RC3H1: variants seen among roughly 807,000 people sequenced by gnomAD.
RC3H1 encodes the protein roquin-1.
RC3H1 carries 50 observed loss-of-function variants against 138.2 expected under a neutral mutation model. The observed-to-expected ratio is 0.36, with a 90% CI of 0.29 to 0.46. The LOEUF is 0.46. RC3H1 is among the 20% of genes least tolerant of loss of function. The probability of loss-of-function intolerance (pLI) is 1.00; values close to 1 mark genes in which losing one functional copy is unlikely to be tolerated. For synonymous variants in RC3H1, 462 were observed against 489.1 expected (o/e 0.94, Z 0.73); for missense variants, 1,031 against 1,388.1 (o/e 0.74, Z 4.09).
chr1:174,007,123 C>G (rs373943687), intron 1 of RC3H1, among the ~76,000 whole-genome samples: 8 of 152,282 alleles, frequency 5.3e-5, no homozygotes, highest in African/African-American at 1.9e-4. Flanking sequence ...GGCGCAGTGG[C>G]TCACGCCTGT....
Position 173,935,077 on chromosome 1 carries a change from G to A in RC3H1, c.*3644C>T, listed in dbSNP as rs1658524140. 6.6e-6 allele frequency: 1 copy of A among 152,112 alleles called. No homozygotes were observed. The highest frequency in any genetic ancestry group is 6.6e-5 in the Admixed American group (1 of 15,256). The allele number at this position is 152,112 out of a possible 1,614,324, so 9.4% of individuals were successfully genotyped here. ...GTTGAATATTTGTAGTTGGCATTAG[G>A]AATAATGTCTTATCAATATCTAGAA... On this transcript the variant is annotated 3_prime_UTR_variant, in exon 20 of 20. Transcript: ENST00000367696.
chr1:173,992,971 A>G lies in RC3H1; in HGVS notation c.15T>C (p.Ala5=). 6.2e-7 allele frequency: 1 copy of G among 1,613,456 alleles called. No individual in the cohort carries two copies. The change falls in exon 2 of 20, where the codon GCT becomes GCC. Residue 5 remains alanine (A), a synonymous_variant. Transcript: ENST00000367696. MPVQ[A]PQWTDFLSCP... ...AGGAGAGGAAATCCGTCCATTGTGG[A>G]GCTTGTACAGGCATTGCTTCTGGAG...
At chr1:173,993,463 G>T (rs1256122682) in intron 1 of RC3H1, among the ~76,000 whole-genome samples, 1 of 150,976 alleles carries the variant, frequency 6.6e-6, no homozygotes, top group Non-Finnish European at 1.5e-5. Flanking sequence ...AGGCTGGAGT[G>T]CAATGGTGCA....
chr1:173,947,309 G>A, intron 15 of RC3H1, 60 bp downstream of exon 15: 1 of 1,114,758 alleles, frequency 9.0e-7, no homozygotes, highest in Non-Finnish European at 1.4e-6. Context: ...GGAGAGCAGG[G>A]GTAATGCTGA....
At chr1:173,949,093 T>G (rs1249184488) in intron 14 of RC3H1, among the ~76,000 whole-genome samples, 4 of 134,650 alleles carry the variant, frequency 3.0e-5, no homozygotes, top group Non-Finnish European at 6.2e-5. Flanking sequence ...AAAAATTTTA[T>G]TTTGCTTTTT....
intron 13 of RC3H1, among the ~76,000 whole-genome samples, chr1:173,960,107 CAAAAAAAAAAAA>C (rs58330993): frequency 5.9e-5 from 3 of 51,120 alleles, no homozygotes; most frequent in African/African-American, 2.1e-4. Flanking sequence ...GACTCCGACT[CAAAAAAAAAAAA>C]AAAAAAAAAA....
intron 14 of RC3H1, among the ~76,000 whole-genome samples, chr1:173,949,892 C>T (rs1489982400): frequency 6.6e-6 from 1 of 151,984 alleles, no homozygotes; most frequent in South Asian, 2.1e-4. Context: ...ACAGACTGGG[C>T]GTGGTGGCTC....
At chr1:173,993,186 A>G in intron 1 of RC3H1, 51 bp from the exon 2 acceptor site, 1 of 558,954 alleles carries the variant, frequency 1.8e-6, no homozygotes, top group Non-Finnish European at 3.2e-6. Flanking sequence ...TTTCAATTAA[A>G]CTGTTGAAAA....
intron 8 of RC3H1, among the ~76,000 whole-genome samples, chr1:173,972,048 C>G (rs1208226433): frequency 6.6e-6 from 1 of 151,744 alleles, no homozygotes; most frequent in Non-Finnish European, 1.5e-5. Context: ...TGGCATAAGA[C>G]ATTATGAATG....
At position 173,983,465 on chromosome 1, in the gene RC3H1, T is replaced by C; in HGVS notation, c.545A>G (p.Asn182Ser). Residue 182 changes from asparagine (N) to serine (S), a missense_variant, in exon 4 of 20, where the codon AAT (asparagine) becomes AGT (serine). By Grantham distance (46) the Asn-to-Ser change is conservative. Coordinates refer to ENST00000367696, the MANE Select transcript of RC3H1 (RefSeq NM_172071.4). The stretch of plus-strand genomic sequence containing the variant: ...CCTAGCCCTTACTGCTGCCCAAAGA[T>C]TGGAAGAGAGTTGCTGAGGATTCTG... ...QHQNPQQLSS[N>S]LWAAVRARGC... The C allele has an allele frequency of 1.2e-6, 2 of 1,614,210 alleles. No individual in the cohort carries two copies. Among genetic ancestry groups the C allele is most frequent in the East Asian group, 2.2e-5 (1 of 44,880 alleles).
At chr1:173,938,932 C>T in intron 19 of RC3H1, 61 bp from the exon 20 acceptor site, 1 of 1,274,712 alleles carries the variant, frequency 7.8e-7, no homozygotes, top group Non-Finnish European at 1.1e-6. Flanking sequence ...ACAATAAAAT[C>T]AACAGGGGAT....
In RC3H1 at chr1:173,970,629, A is replaced by C. The variant is rs1158849909; in HGVS notation, c.1222-12T>G. Reference sequence around the variant, plus strand: ...CTATGCTGTGGAGGCTAAAACCAAAATCAAAACATTAGATGTGTAATAACC... The same window carrying C: ...CTATGCTGTGGAGGCTAAAACCAAACTCAAAACATTAGATGTGTAATAACC... On this transcript the variant is annotated splice_polypyrimidine_tract_variant and intron_variant, in intron 8 of 19. Transcript: ENST00000367696. The C allele has an allele frequency of 6.4e-7, 1 of 1,571,434 alleles. No homozygotes were observed. The highest frequency in any genetic ancestry group is 8.7e-7 in the Non-Finnish European group (1 of 1,143,870).
intron 2 of RC3H1, among the ~76,000 whole-genome samples, chr1:173,990,648 C>T (rs1403151978): frequency 6.6e-6 from 1 of 151,182 alleles, no homozygotes; most frequent in Non-Finnish European, 1.5e-5. Flanking sequence ...TCTCGGCTCA[C>T]TGCAAGCTCC....
intron 19 of RC3H1, 83 bp from the exon 20 acceptor site, chr1:173,938,954 T>C: frequency 1.9e-6 from 2 of 1,049,070 alleles, no homozygotes; most frequent in Non-Finnish European, 2.7e-6. Flanking sequence ...TAATTTAGCA[T>C]GATTGAAAAT....
In RC3H1 at chr1:174,022,170, C is replaced by T. The variant is rs886268015; in HGVS notation, c.-225G>A. ...TCGCCACCGCCGCGGCAGCCGCCGC[C>T]GCCGCCGAGGCCACCGTTGACTCTG... On this transcript the variant is annotated 5_prime_UTR_variant, in exon 1 of 20. Coordinates refer to ENST00000367696, the MANE Select transcript of RC3H1 (RefSeq NM_172071.4). This position sits in a 1 kb window ranked among gnomAD's most constrained non-coding sequence, Gnocchi z 4.2. 9 of 395,050 alleles carry T rather than the reference C, an allele frequency of 2.3e-5. No individual in the cohort carries two copies. Among genetic ancestry groups the T allele is most frequent in the African/African-American group, 6.2e-5 (3 of 48,314 alleles). 24.5% of individuals were successfully genotyped at this position (395,050 alleles called of 1,614,324 possible).
chr1:173,993,675 G>A (rs1002600229), intron 1 of RC3H1, among the ~76,000 whole-genome samples: 1 of 151,102 alleles, frequency 6.6e-6, no homozygotes. Context: ...TTACAGGTGT[G>A]AGCCACCATG....
chr1:174,014,226 A>T (rs1661818691), intron 1 of RC3H1, among the ~76,000 whole-genome samples: 1 of 152,222 alleles, frequency 6.6e-6, no homozygotes, highest in Admixed American at 6.5e-5. Context: ...TTTAGTTAAT[A>T]ATGTATCAAC....
At chr1:173,953,096 G>T (rs1659487531) in intron 13 of RC3H1, among the ~76,000 whole-genome samples, 1 of 152,080 alleles carries the variant, frequency 6.6e-6, no homozygotes, top group South Asian at 2.1e-4. Context: ...TTGACATAGG[G>T]TCTGCTGCTC....
chr1:173,945,544 C>T (rs1448655606), intron 17 of RC3H1, among the ~76,000 whole-genome samples: 2 of 152,064 alleles, frequency 1.3e-5, no homozygotes, highest in Non-Finnish European at 2.9e-5. Context: ...AACTCATATA[C>T]TTCAATCAAA....
Sources: allele counts gnomAD v4.1 joint callset (sites outside exome capture counted in the v4.1 genomes callset), GRCh38; gene constraint gnomAD v4.1.1; non-coding constraint Gnocchi (gnomAD v3.1); transcripts MANE v1.5; gene names NCBI Gene and HGNC (gene_info 2026-07-23, HGNC 2026-07-21).